SMOC1: variants seen among roughly 807,000 people sequenced by gnomAD.
SMOC1 encodes the protein SPARC related modular calcium binding 1.
A neutral mutation model predicts 56.3 loss-of-function variants in SMOC1; 22 were observed. That is an observed-to-expected ratio of 0.39 (90% CI 0.28 to 0.56). SMOC1 has a LOEUF of 0.56. Ranked by LOEUF, SMOC1 falls within the 20% of genes least tolerant of loss-of-function variation. The pLI, the probability that SMOC1 is intolerant of heterozygous loss-of-function variation, is 0.61. For synonymous variants in SMOC1, 193 were observed against 215.0 expected (o/e 0.90, Z 0.89); for missense variants, 509 against 565.4 (o/e 0.90, Z 1.01).
intron 11 of SMOC1, among the ~76,000 whole-genome samples, chr14:70,026,395 T>C (rs990038619): frequency 1.3e-5 from 2 of 152,264 alleles, no homozygotes; most frequent in African/African-American, 4.8e-5. Flanking sequence ...TCCACCGAGC[T>C]CAGGGACTCC....
chr14:69,896,941 G>A (rs899116581), intron 1 of SMOC1, among the ~76,000 whole-genome samples: 1 of 152,194 alleles, frequency 6.6e-6, no homozygotes, highest in Middle Eastern at 3.2e-3. Context: ...TCTCTAAGAC[G>A]GTGAGGAATC....
chr14:69,982,191 A>G (rs1884204275), intron 5 of SMOC1, among the ~76,000 whole-genome samples: 2 of 152,154 alleles, frequency 1.3e-5, no homozygotes, highest in Non-Finnish European at 2.9e-5. Flanking sequence ...TAAGGAAAGC[A>G]AGAGAAAAAT....
intron 3 of SMOC1, among the ~76,000 whole-genome samples, chr14:69,968,654 G>A (rs1018213002): frequency 6.6e-6 from 1 of 152,212 alleles, no homozygotes; most frequent in African/African-American, 2.4e-5. Flanking sequence ...TATCCGATTT[G>A]GAGTAATGGG....
At chr14:70,024,094 G>A (rs903652199) in intron 11 of SMOC1, among the ~76,000 whole-genome samples, 1 of 152,132 alleles carries the variant, frequency 6.6e-6, no homozygotes, top group Non-Finnish European at 1.5e-5. Flanking sequence ...TCACTAGGAA[G>A]GCTGGGTTTT....
intron 3 of SMOC1, among the ~76,000 whole-genome samples, chr14:69,966,145 G>C (rs989156993): frequency 2.0e-5 from 3 of 152,004 alleles, no homozygotes; most frequent in African/African-American, 4.8e-5. Context: ...ATTTATGAGG[G>C]ACTTTCTTAT....
chr14:69,952,156 G>T lies in SMOC1; in HGVS notation c.118G>T (p.Asp40Tyr). 1 of 1,614,096 alleles carries T rather than the reference G, an allele frequency of 6.2e-7. No homozygotes were observed. Among genetic ancestry groups the T allele is most frequent in the South Asian group, 1.1e-5 (1 of 91,064 alleles). The change falls in exon 2 of 12, where the codon GAC becomes TAC. Residue 40 changes from aspartate (D) to tyrosine (Y), a missense_variant. By Grantham distance (160) the Asp-to-Tyr change is radical. Around this residue, in one of 3 missense-constraint regions of SMOC1, gnomAD observed 315 missense variants for 333.1 expected, o/e 0.95. Transcript: ENST00000361956. ...TGPRFLISDRDPQCNLHCSRT... is the reference protein window; with the variant it reads ...TGPRFLISDRYPQCNLHCSRT... ...AACCTAGTTTCTAATAAGTGACCGT[G>T]ACCCACAGTGCAACCTCCACTGCTC...
rs1211305062 is a variant in SMOC1, at chr14:69,879,516, C to G, written c.-163C>G. Reference sequence around the variant, plus strand: ...AGCTCCCCTCCTGCGCGGTTCATGACTGTGTCCCCTGACCGCAGCCTCTGC... The same window carrying G: ...AGCTCCCCTCCTGCGCGGTTCATGAGTGTGTCCCCTGACCGCAGCCTCTGC... On this transcript the variant is annotated 5_prime_UTR_variant, in exon 1 of 12. Transcript: ENST00000361956. The G allele has an allele frequency of 2.1e-6, 1 of 486,440 alleles. No individual in the cohort carries two copies. The highest frequency in any genetic ancestry group is 3.4e-6 in the Non-Finnish European group (1 of 293,122). The allele number at this position is 486,440 out of a possible 1,614,324, so 30.1% of individuals were successfully genotyped here.
At chr14:69,962,263 G>A (rs539413762) in intron 3 of SMOC1, among the ~76,000 whole-genome samples, 2 of 151,394 alleles carry the variant, frequency 1.3e-5, no homozygotes, top group African/African-American at 2.4e-5. Flanking sequence ...CCTGCATTAA[G>A]GTGATTCTCC....
chr14:70,022,520 C>T (rs983834637), intron 10 of SMOC1, among the ~76,000 whole-genome samples: 1 of 152,200 alleles, frequency 6.6e-6, no homozygotes, highest in Non-Finnish European at 1.5e-5. Context: ...AGAGACTCAT[C>T]CCCAGTAGGT....
intron 1 of SMOC1, among the ~76,000 whole-genome samples, chr14:69,893,453 A>AGGGGGAATGCATGATG (rs1884016878): frequency 6.6e-6 from 1 of 152,104 alleles, no homozygotes; most frequent in Admixed American, 6.5e-5. Context: ...TGCGATTGCA[A>AGGGGGAATGCATGATG]AGCTCTGAGG....
intron 1 of SMOC1, among the ~76,000 whole-genome samples, chr14:69,931,156 C>A (rs547746903): frequency 6.6e-6 from 1 of 152,362 alleles, no homozygotes; most frequent in African/African-American, 2.4e-5. Context: ...GGAGCCATCC[C>A]ACCTTCACAC....
chr14:70,013,172 T>C (rs1885398295), intron 9 of SMOC1, among the ~76,000 whole-genome samples: 1 of 152,112 alleles, frequency 6.6e-6, no homozygotes, highest in Non-Finnish European at 1.5e-5. Flanking sequence ...TGGAAGAAAA[T>C]TGAAAGCATT....
At chr14:69,978,044 G>C in intron 5 of SMOC1, 79 bp downstream of exon 5, 1 of 1,166,774 alleles carries the variant, frequency 8.6e-7, no homozygotes, top group Non-Finnish European at 1.3e-6. Flanking sequence ...GAGATAGAAG[G>C]AGCCTGGGGT....
intron 3 of SMOC1, among the ~76,000 whole-genome samples, chr14:69,955,315 A>G (rs942112574): frequency 5.9e-5 from 9 of 152,016 alleles, no homozygotes; most frequent in Non-Finnish European, 1.5e-5. Flanking sequence ...CTGCTCCTGG[A>G]GCCGGACACC....
At chr14:69,984,433 A>AT (rs1300421703) in intron 5 of SMOC1, among the ~76,000 whole-genome samples, 1 of 152,254 alleles carries the variant, frequency 6.6e-6, no homozygotes, top group East Asian at 1.9e-4. Context: ...CTGTTAGAGA[A>AT]TTAAGAAAAA....
Position 70,030,692 on chromosome 14 carries a change from G to A in SMOC1, c.*434G>A. On this transcript the variant is annotated 3_prime_UTR_variant, in exon 12 of 12. Coordinates refer to ENST00000361956, the MANE Select transcript of SMOC1 (RefSeq NM_001034852.3). The stretch of plus-strand genomic sequence containing the variant: ...TCCCTCTGCCTGCTGTGGGTGGTGG[G>A]CACTCTGGACACATAGTCCAGCTTT... The A allele has an allele frequency of 6.0e-6, 1 of 167,950 alleles. No homozygotes were observed. Among genetic ancestry groups the A allele is most frequent in the Non-Finnish European group, 1.3e-5 (1 of 78,218 alleles). 10.4% of individuals were successfully genotyped at this position (167,950 alleles called of 1,614,324 possible). A position where few individuals can be genotyped will look rare whatever the true frequency, so the allele number is the denominator to read the frequency against.
Position 69,983,624 on chromosome 14 carries a change from C to T in SMOC1, c.526+5659C>T, listed in dbSNP as rs530871842. On this transcript the variant is annotated intron_variant, in intron 5 of 11. Coordinates refer to ENST00000361956, the MANE Select transcript of SMOC1 (RefSeq NM_001034852.3). ...AGCCTCTAAGGAAAGCCCCTTGGAG[C>T]GGGTGGCCTGAGCTGAGCAAAGCCC... Among the ~76,000 whole-genome samples, 18 of 152,306 alleles carry T rather than the reference C, an allele frequency of 1.2e-4. 1 individual carries two copies. The South Asian group carries it at 3.3e-3, about 28-fold the overall frequency.
chr14:69,966,112 T>A (rs1883567818), intron 3 of SMOC1, among the ~76,000 whole-genome samples: 1 of 152,234 alleles, frequency 6.6e-6, no homozygotes, highest in Non-Finnish European at 1.5e-5. Flanking sequence ...GTTCTCACAG[T>A]TCTCATCTGA....
rs760656651 is a variant in SMOC1, at chr14:70,030,272, CA to C, written c.*16del. The C allele has an allele frequency of 4.0e-5, 65 of 1,613,140 alleles. 1 individual carries two copies. The South Asian group carries it at 6.9e-4, about 17-fold the overall frequency. On this transcript the variant is annotated 3_prime_UTR_variant, in exon 12 of 12. Coordinates refer to ENST00000361956, the MANE Select transcript of SMOC1 (RefSeq NM_001034852.3). ...CGCCTCGTCTAAGGAGCAGAAAACCCAAGGGCAGGTGGAGAGTCCAGGGAGG... is the reference window on the plus strand; with the variant it reads ...CGCCTCGTCTAAGGAGCAGAAAACCCAGGGCAGGTGGAGAGTCCAGGGAGG...
Sources: allele counts gnomAD v4.1 joint callset (sites outside exome capture counted in the v4.1 genomes callset), GRCh38; gene constraint gnomAD v4.1.1; regional missense constraint gnomAD v4.1.1; transcripts MANE v1.5; gene names NCBI Gene and HGNC (gene_info 2026-07-23, HGNC 2026-07-21).